Variants in BTLA observed in about 807,000 individuals in gnomAD.
BTLA encodes B- and T-lymphocyte attenuator.
A neutral mutation model predicts 25.0 loss-of-function variants in BTLA; 11 were observed. The observed-to-expected ratio is 0.44, with a 90% CI of 0.28 to 0.73. The LOEUF is 0.73. Ranked by LOEUF, BTLA falls within the 30% of genes least tolerant of loss-of-function variation. The pLI is 0.15. For synonymous variants in BTLA, 104 were observed against 119.8 expected (o/e 0.87, Z 0.86); for missense variants, 282 against 332.8 (o/e 0.85, Z 1.19).
At chr3:112,494,151 A>AT (rs1353806917) in intron 1 of BTLA, among the ~76,000 whole-genome samples, 1 of 152,206 alleles carries the variant, frequency 6.6e-6, no homozygotes, top group Admixed American at 6.5e-5. Context: ...CAAACATAAG[A>AT]ATAAAAGCTC....
intron 1 of BTLA, among the ~76,000 whole-genome samples, chr3:112,480,714 G>T (rs1281144254): frequency 6.6e-6 from 1 of 152,166 alleles, no homozygotes. Flanking sequence ...ATCTCTTAAA[G>T]GTTCCACCTC....
At position 112,479,772 on chromosome 3, in the gene BTLA, A is replaced by T. The variant is rs1373610160; in HGVS notation, c.89-3T>A. ...CTGTACATCACATGATTCTTTCCCTAAAAGATAAAAACAAAACTAAAATCA... is the reference window on the plus strand; with the variant it reads ...CTGTACATCACATGATTCTTTCCCTTAAAGATAAAAACAAAACTAAAATCA... On this transcript the variant is annotated splice_polypyrimidine_tract_variant and splice_region_variant and intron_variant, in intron 1 of 4. Transcript: ENST00000334529. The T allele has an allele frequency of 2.0e-5, 31 of 1,571,218 alleles. No homozygotes were observed. Among genetic ancestry groups the T allele is most frequent in the Non-Finnish European group, 2.7e-5 (31 of 1,158,004 alleles).
chr3:112,469,313 TATCTA>T (rs1162802454), intron 4 of BTLA, among the ~76,000 whole-genome samples: 1 of 152,134 alleles, frequency 6.6e-6, no homozygotes, highest in African/African-American at 2.4e-5. Context: ...TTTATGAAGA[TATCTA>T]ATCATTTTAT....
At chr3:112,499,472 T>TAAAAAA, upstream of BTLA, 2 of 413,568 alleles carry the variant, frequency 4.8e-6, no homozygotes, top group Admixed American at 4.4e-5. Flanking sequence ...GTGAAATAAC[T>TAAAAAA]AAAAAAAAAA....
At position 112,466,286 on chromosome 3, in the gene BTLA, T is replaced by C. The variant is rs761023642; in HGVS notation, c.692A>G (p.Asp231Gly). 6.2e-7 allele frequency: 1 copy of C among 1,614,040 alleles called. No individual in the cohort carries two copies. Among genetic ancestry groups the C allele is most frequent in the Non-Finnish European group, 8.5e-7 (1 of 1,179,960 alleles). Residue 231 changes from aspartate (D) to glycine (G), a missense_variant, in exon 5 of 5, where the codon GAC becomes GGC. This residue lies in a region of BTLA where 119 missense variants were observed against 102.3 expected (regional missense o/e 1.16). Coordinates refer to ENST00000334529, the MANE Select transcript of BTLA (RefSeq NM_181780.4). ...CCCTTCCTGCATCCTGAAACAAAGG[T>C]CAGGGTCATTATCATAAATTCCAGT... ...SETGIYDNDP[D>G]LCFRMQEGSE...
At chr3:112,470,883 A>G (rs2082258460) in intron 3 of BTLA, among the ~76,000 whole-genome samples, 1 of 152,212 alleles carries the variant, frequency 6.6e-6, no homozygotes, top group East Asian at 1.9e-4. Flanking sequence ...TCAACTTCCA[A>G]TCCTGTTAAG....
chr3:112,482,340 C>T (rs1483545493), intron 1 of BTLA, among the ~76,000 whole-genome samples: 1 of 152,166 alleles, frequency 6.6e-6, no homozygotes, highest in East Asian at 1.9e-4. Flanking sequence ...ATAGCCAAAA[C>T]TCTCTTTTAA....
At chr3:112,471,060 C>T (rs961870561) in intron 3 of BTLA, 152 bp downstream of exon 3, 17 of 1,099,264 alleles carry the variant, frequency 1.5e-5, no homozygotes, top group African/African-American at 1.1e-4. Flanking sequence ...AGCTTTTTAG[C>T]GCAAATATGA....
intron 4 of BTLA, among the ~76,000 whole-genome samples, chr3:112,467,333 A>G (rs1420305261): frequency 6.6e-6 from 1 of 152,224 alleles, no homozygotes; most frequent in African/African-American, 2.4e-5. Context: ...TGTAAAAACA[A>G]AAAGTAAAAT....
chr3:112,484,756 T>C (rs1358565869), intron 1 of BTLA, among the ~76,000 whole-genome samples: 1 of 152,212 alleles, frequency 6.6e-6, no homozygotes, highest in Non-Finnish European at 1.5e-5. Context: ...TTTGTGTTGG[T>C]GGCATCACTG....
intron 1 of BTLA, among the ~76,000 whole-genome samples, chr3:112,488,443 C>G (rs187415828): frequency 5.3e-5 from 8 of 152,088 alleles, no homozygotes; most frequent in Non-Finnish European, 8.8e-5. Flanking sequence ...AGGATGGTCT[C>G]GATCTCCTGA....
chr3:112,490,765 G>A (rs1576691340), intron 1 of BTLA, among the ~76,000 whole-genome samples: 1 of 149,498 alleles, frequency 6.7e-6, no homozygotes, highest in Non-Finnish European at 1.5e-5. Flanking sequence ...AGAAAATTGA[G>A]AGCATTTTCA....
At chr3:112,478,585 T>C (rs1052479211) in intron 2 of BTLA, among the ~76,000 whole-genome samples, 2 of 152,144 alleles carry the variant, frequency 1.3e-5, no homozygotes, top group Non-Finnish European at 2.9e-5. Flanking sequence ...AAGTTTTACT[T>C]CTTTTTTTCT....
intron 1 of BTLA, among the ~76,000 whole-genome samples, chr3:112,481,319 A>T (rs557245040): frequency 5.3e-4 from 81 of 152,212 alleles, no homozygotes; most frequent in African/African-American, 1.9e-3. Flanking sequence ...TGTCCACAAC[A>T]TCCTTTGAAA....
In BTLA at chr3:112,479,632, C is replaced by A. The variant is rs1166328240; in HGVS notation, c.226G>T (p.Gly76Ter). The A allele has an allele frequency of 2.5e-6, 4 of 1,613,954 alleles. No individual in the cohort carries two copies. The highest frequency in any genetic ancestry group is 3.4e-6 in the Non-Finnish European group (4 of 1,180,012). ...RPHVTWCKLN[G>*]TTCVKLEDRQ... ...TCTTCAAGTTTTACACATGTTGTTC[C>A]ATTGAGCTTGCACCAAGTCACATGA... The change falls in exon 2 of 5, where the codon GGA (glycine) becomes TGA (stop). Residue 76 changes from glycine (G) to a stop codon, truncating the protein, a stop_gained. Transcript: ENST00000334529. LOFTEE classifies it high-confidence loss of function.
intron 3 of BTLA, 139 bp from the exon 4 acceptor site, chr3:112,469,943 C>G (rs1356438446): frequency 3.1e-6 from 2 of 640,852 alleles, no homozygotes; most frequent in Non-Finnish European, 5.5e-6. Context: ...TTGCCTAGCA[C>G]ACACTTGTTT....
intron 1 of BTLA, among the ~76,000 whole-genome samples, chr3:112,497,389 G>T (rs938044671): frequency 1.3e-5 from 2 of 152,170 alleles, no homozygotes; most frequent in African/African-American, 4.8e-5. Flanking sequence ...ACAGTAAGTG[G>T]CAGAGCCAGT....
chr3:112,468,756 T>C (rs1422810270), intron 4 of BTLA, among the ~76,000 whole-genome samples: 1 of 152,144 alleles, frequency 6.6e-6, no homozygotes, highest in Non-Finnish European at 1.5e-5. Context: ...TAAGAAAATT[T>C]CCCTATTTGA....
intron 1 of BTLA, among the ~76,000 whole-genome samples, chr3:112,495,243 T>C (rs2082402949): frequency 6.6e-6 from 1 of 152,224 alleles, no homozygotes; most frequent in African/African-American, 2.4e-5. Context: ...AGTCTGGCTT[T>C]AGAGTCCCTG....
Sources: allele counts gnomAD v4.1 joint callset (sites outside exome capture counted in the v4.1 genomes callset), GRCh38; gene constraint gnomAD v4.1.1; regional missense constraint gnomAD v4.1.1; transcripts MANE v1.5; gene names NCBI Gene and HGNC (gene_info 2026-07-23, HGNC 2026-07-21).